PTPN5: variants seen among roughly 807,000 people sequenced by gnomAD.
PTPN5 encodes protein tyrosine phosphatase non-receptor type 5.
PTPN5 carries 29 observed loss-of-function variants against 73.9 expected under a neutral mutation model. The ratio of observed to expected loss-of-function variants is 0.39; its 90% CI spans 0.29 to 0.54. PTPN5 has a LOEUF of 0.54. Among genes scored for constraint, PTPN5 ranks in the 20% least tolerant of loss-of-function variants. PTPN5 has a pLI of 0.65. For synonymous variants in PTPN5, 267 were observed against 304.7 expected (o/e 0.88, Z 1.29); for missense variants, 652 against 751.4 (o/e 0.87, Z 1.55).
In PTPN5 at chr11:18,742,921, G is replaced by C. The variant is rs1849436347; in HGVS notation, c.483+71C>G. The stretch of plus-strand genomic sequence containing the variant: ...AATGTCCAGCCTATAAGTCAGATGG[G>C]AGCTGGTAGAAATCCAGGCCTCAAG... On this transcript the variant is annotated intron_variant, in intron 6 of 14. Coordinates refer to ENST00000358540, the MANE Select transcript of PTPN5 (RefSeq NM_006906.2). This position sits in a 1 kb window ranked among gnomAD's most constrained non-coding sequence, Gnocchi z 4.1. 9.8e-7 allele frequency: 1 copy of C among 1,018,088 alleles called. No homozygotes were observed. Among genetic ancestry groups the C allele is most frequent in the Non-Finnish European group, 1.5e-6 (1 of 662,988 alleles). 63.1% of individuals were successfully genotyped at this position (1,018,088 alleles called of 1,614,324 possible).
At position 18,733,957 on chromosome 11, in the gene PTPN5, G is replaced by C. The variant is rs573254113; in HGVS notation, c.1001-322C>G. Among the ~76,000 whole-genome samples the C allele has an allele frequency of 2.3e-4, 35 of 152,248 alleles. No homozygotes were observed. Among genetic ancestry groups the C allele is most frequent in the African/African-American group, 7.9e-4 (33 of 41,540 alleles). On this transcript the variant is annotated intron_variant, in intron 9 of 14. Coordinates refer to ENST00000358540, the MANE Select transcript of PTPN5 (RefSeq NM_006906.2). This position sits in a 1 kb window ranked among gnomAD's most constrained non-coding sequence, Gnocchi z 4.3. ...GCTAAGTCAACAATGGAATTACCTAGGGAAATTCCTGTACAGATCTTGTTC... is the reference window on the plus strand; with the variant it reads ...GCTAAGTCAACAATGGAATTACCTACGGAAATTCCTGTACAGATCTTGTTC...
At chr11:18,761,437 T>C (rs941663581) in intron 3 of PTPN5, among the ~76,000 whole-genome samples, 18 of 151,982 alleles carry the variant, frequency 1.2e-4, no homozygotes, top group African/African-American at 4.1e-4. Context: ...AGAAGAGAGA[T>C]TGTGAGTTTG....
intron 1 of PTPN5, among the ~76,000 whole-genome samples, chr11:18,780,829 G>C (rs1272117251): frequency 6.6e-6 from 1 of 152,172 alleles, no homozygotes; most frequent in Non-Finnish European, 1.5e-5. Flanking sequence ...AAAAAACATG[G>C]AAGGCAGGTC....
intron 3 of PTPN5, among the ~76,000 whole-genome samples, chr11:18,745,544 C>A (rs1849579939): frequency 6.6e-6 from 1 of 152,186 alleles, no homozygotes; most frequent in Non-Finnish European, 1.5e-5. Context: ...GTTCCCCTCC[C>A]CTGCCTCCCA....
chr11:18,788,881 G>A (rs1408965948), intron 1 of PTPN5, among the ~76,000 whole-genome samples: 1 of 152,204 alleles, frequency 6.6e-6, no homozygotes, highest in Non-Finnish European at 1.5e-5. Flanking sequence ...TATTGTCACG[G>A]ATGTCTTATG....
rs1474594578 is a variant in PTPN5, at chr11:18,748,759, ATT to A, written c.98-4562_98-4561del. Among the ~76,000 whole-genome samples the A allele has an allele frequency of 2.6e-5, 4 of 152,138 alleles. No homozygotes were observed. The East Asian group carries it at 7.7e-4, about 29-fold the overall frequency. On this transcript the variant is annotated intron_variant, in intron 3 of 14. Transcript: ENST00000358540. ...TGATTTGTGCCTGAGTCCAACACACATTTATTAAGCGCCGATTATACGTCAAG... is the reference window on the plus strand; with the variant it reads ...TGATTTGTGCCTGAGTCCAACACACATATTAAGCGCCGATTATACGTCAAG...
At chr11:18,748,353 T>C (rs7941906) in intron 3 of PTPN5, among the ~76,000 whole-genome samples, 101,830 of 151,938 alleles carry the variant, frequency 0.67, 34,830 homozygotes, top group Middle Eastern at 0.86. Flanking sequence ...GGAAAAACTG[T>C]AGGCTCATAG....
chr11:18,755,046 T>C (rs1312443211), intron 3 of PTPN5, among the ~76,000 whole-genome samples: 1 of 152,214 alleles, frequency 6.6e-6, no homozygotes, highest in Non-Finnish European at 1.5e-5. Context: ...CCTAAGAGAC[T>C]GTGACTTCCA....
At chr11:18,752,189 G>A (rs1395927324) in intron 3 of PTPN5, among the ~76,000 whole-genome samples, 1 of 152,170 alleles carries the variant, frequency 6.6e-6, no homozygotes, top group African/African-American at 2.4e-5. Flanking sequence ...CAGAGAGCGC[G>A]CCACTGCACT....
Position 18,732,610 on chromosome 11 carries a change from C to T in PTPN5, c.1311G>A (p.Leu437=), listed in dbSNP as rs1848932640. The change falls in exon 12 of 15, where the codon CTG becomes CTA. Residue 437 remains leucine, a synonymous_variant. Coordinates refer to ENST00000358540, the MANE Select transcript of PTPN5 (RefSeq NM_006906.2). ...GCCTCACCTTGAGGGAGATGAGTCG[C>T]AGCCGGTAATCCTCCGTGTGAATGA... The part of the protein sequence containing the change: ...QKVIHTEDYR[L]RLISLKSGTE... 6.2e-7 allele frequency: 1 copy of T among 1,613,868 alleles called. No homozygotes were observed. Among genetic ancestry groups the T allele is most frequent in the Non-Finnish European group, 8.5e-7 (1 of 1,179,980 alleles).
chr11:18,777,030 G>A (rs1425675757), intron 1 of PTPN5, among the ~76,000 whole-genome samples: 3 of 152,032 alleles, frequency 2.0e-5, no homozygotes, highest in South Asian at 2.1e-4. Context: ...GCGTGGTGGC[G>A]GGCGCCTGTA....
intron 3 of PTPN5, 34 bp from the exon 4 acceptor site, chr11:18,744,233 C>CGGCCCTGTCCACAGGCAG (rs759002032): frequency 3.0e-5 from 43 of 1,456,778 alleles, no homozygotes; most frequent in Non-Finnish European, 3.8e-5. Context: ...CCGATGACTC[C>CGGCCCTGTCCACAGGCAG]GGCCCTGTCC....
chr11:18,729,379 C>T lies in PTPN5; in HGVS notation c.1604+74G>A, dbSNP rs1848768601. 4.0e-6 allele frequency: 3 copies of T among 758,126 alleles called. No homozygotes were observed. Among genetic ancestry groups the T allele is most frequent in the Non-Finnish European group, 7.0e-6 (3 of 426,152 alleles). The allele number at this position is 758,126 out of a possible 1,614,324, so 47.0% of individuals were successfully genotyped here. On this transcript the variant is annotated intron_variant, in intron 14 of 14. Coordinates refer to ENST00000358540, the MANE Select transcript of PTPN5 (RefSeq NM_006906.2). This position sits in a 1 kb window ranked among gnomAD's most constrained non-coding sequence, Gnocchi z 5.2. ...CTGCCCCTCACCCCCCGCCCATGCA[C>T]ATGTGGGTCTCTCCCTCTACCCGCT...
At chr11:18,736,604 C>T (rs1037109765) in intron 9 of PTPN5, among the ~76,000 whole-genome samples, 25 of 152,216 alleles carry the variant, frequency 1.6e-4, no homozygotes, top group African/African-American at 6.0e-4. Context: ...TCTGCTCAGC[C>T]TCACCTGCCC....
intron 2 of PTPN5, among the ~76,000 whole-genome samples, chr11:18,771,030 G>A (rs1850869525): frequency 6.6e-6 from 1 of 152,148 alleles, no homozygotes; most frequent in African/African-American, 2.4e-5. Flanking sequence ...GAAAGAGCTG[G>A]CTGGTTTGCT....
intron 1 of PTPN5, among the ~76,000 whole-genome samples, chr11:18,772,858 C>T (rs534249748): frequency 6.6e-5 from 10 of 152,228 alleles, no homozygotes; most frequent in Admixed American, 1.3e-4. Flanking sequence ...ACAGGTGACC[C>T]GTGTGCGGGG....
intron 3 of PTPN5, among the ~76,000 whole-genome samples, chr11:18,761,298 G>A (rs1191934508): frequency 6.6e-6 from 1 of 152,112 alleles, no homozygotes; most frequent in Non-Finnish European, 1.5e-5. Flanking sequence ...TTGTACCTCC[G>A]CGGCAGCTGC....
intron 1 of PTPN5, among the ~76,000 whole-genome samples, chr11:18,783,144 T>C (rs566923635): frequency 6.6e-6 from 1 of 152,318 alleles, no homozygotes; most frequent in South Asian, 2.1e-4. Context: ...CCCTCTGAGG[T>C]ACCTCAGATG....
intron 1 of PTPN5, among the ~76,000 whole-genome samples, chr11:18,783,360 G>A (rs1366283824): frequency 1.3e-5 from 2 of 152,218 alleles, no homozygotes; most frequent in African/African-American, 4.8e-5. Flanking sequence ...CTATAGGAAA[G>A]CACTGTTTTA....
Sources: gnomAD v4.1 joint callset for allele counts (sites outside exome capture counted in the v4.1 genomes callset) on GRCh38, gnomAD v4.1.1 for gene constraint, Gnocchi (gnomAD v3.1) non-coding constraint, MANE v1.5 for transcripts, NCBI Gene and HGNC (gene_info 2026-07-23, HGNC 2026-07-21) for gene names.